FAM120B: variants seen among roughly 807,000 people sequenced by gnomAD.
FAM120B encodes constitutive coactivator of peroxisome proliferator-activated receptor gamma.
A neutral mutation model predicts 96.3 loss-of-function variants in FAM120B; 83 were observed. The ratio of observed to expected loss-of-function variants is 0.86; its 90% CI spans 0.72 to 1.03. The LOEUF (loss-of-function observed/expected upper bound fraction) is 1.03, where lower values mean the gene tolerates loss of function less well. Ranked by LOEUF, FAM120B falls within the 50% of genes least tolerant of loss-of-function variation. The probability of loss-of-function intolerance (pLI) is 0.00; values close to 1 mark genes in which losing one functional copy is unlikely to be tolerated. For missense variants in FAM120B, 1,027 were observed against 1,121.2 expected, an observed-to-expected ratio of 0.92 and a Z score of 1.20; for synonymous variants, 407 against 402.7, an observed-to-expected ratio of 1.01 and a Z score of -0.13.
rs185675481 is a variant in FAM120B at position 170,353,335 on chromosome 6, G to A, written c.2191-4891G>A. Among the ~76,000 whole-genome samples, 390 of 152,298 alleles carry A rather than the reference G, an allele frequency of 2.6e-3. 1 individual carries two copies. Among genetic ancestry groups the A allele is most frequent in the African/African-American group, 8.5e-3 (354 of 41,564 alleles). On this transcript the variant is annotated intron_variant, in intron 5 of 10. Transcript: ENST00000476287. ...CTACCAGAGGTACAAAGAAGAGCTG[G>A]CACCATTTCTACTGAAACTGTTCCA...
Position 170,318,353 on chromosome 6 carries a change from A to G in FAM120B, c.963A>G (p.Val321=). The change falls in exon 2 of 11, where the codon GTA becomes GTG. Residue 321 remains valine, a synonymous_variant. Transcript: ENST00000476287. ...GGTTTTTCCAAAAACCCAAAGGTGT[A>G]ATAACTTTGGACAAACAAGTAATAT... The part of the protein sequence containing the change: ...SPWFFQKPKG[V]ITLDKQVIST... 1 of 1,614,228 alleles carries G rather than the reference A, an allele frequency of 6.2e-7. No individual in the cohort carries two copies. The highest frequency in any genetic ancestry group is 8.5e-7 in the Non-Finnish European group (1 of 1,180,038).
At chr6:170,377,256 G>T (rs35479904) in intron 6 of FAM120B, among the ~76,000 whole-genome samples, 2 of 35,060 alleles carry the variant, frequency 5.7e-5, no homozygotes, top group Admixed American at 3.2e-4. Flanking sequence ...CTGGGAGAAC[G>T]CAGGCTCACG....
At chr6:170,399,986 AG>A (rs1778462031) in intron 9 of FAM120B, among the ~76,000 whole-genome samples, 1 of 11,596 alleles carries the variant, frequency 8.6e-5, no homozygotes, top group Non-Finnish European at 1.6e-4. Flanking sequence ...GGAGTGAGTG[AG>A]GAAGGTAGAA....
intron 9 of FAM120B, among the ~76,000 whole-genome samples, chr6:170,403,355 C>G (rs1244211878): frequency 6.6e-6 from 1 of 152,146 alleles, no homozygotes; most frequent in African/African-American, 2.4e-5. Flanking sequence ...TTTTGCCTAC[C>G]TTCAACTCCT....
At chr6:170,351,690 A>G (rs1787593184) in intron 5 of FAM120B, among the ~76,000 whole-genome samples, 1 of 152,216 alleles carries the variant, frequency 6.6e-6, no homozygotes, top group Non-Finnish European at 1.5e-5. Context: ...CAACCAAACT[A>G]ACTTCATAAG....
At chr6:170,398,968 G>A (rs1778376168) in intron 9 of FAM120B, among the ~76,000 whole-genome samples, 1 of 151,494 alleles carries the variant, frequency 6.6e-6, no homozygotes, top group Admixed American at 6.6e-5. Flanking sequence ...ATAACTCTTA[G>A]GAGTGAGTGG....
At chr6:170,404,105 C>T (rs576467671) in intron 9 of FAM120B, 21 of 159,898 alleles carry the variant, frequency 1.3e-4, no homozygotes, top group African/African-American at 4.1e-4. Flanking sequence ...GGTTCTGCCC[C>T]GAGTCTCTTC....
upstream of FAM120B, among the ~76,000 whole-genome samples, chr6:170,292,529 G>T (rs150843231): frequency 6.6e-6 from 1 of 152,316 alleles, no homozygotes; most frequent in East Asian, 1.9e-4. This position sits in a 1 kb window ranked among gnomAD's most constrained non-coding sequence, Gnocchi z 6.6. Flanking sequence ...CCTCACTGTA[G>T]GTGTGTTAGA....
At position 170,370,066 on chromosome 6, in the gene FAM120B, A is replaced by G. The variant is rs1235684397; in HGVS notation, c.2283+11748A>G. ...TACCTTTTTTGAATATAGCAATCTA[A>G]TTTCTCTTTTAAACCCATTCTGTGA... is the stretch of plus-strand genomic sequence containing the variant. On this transcript the variant is annotated intron_variant, in intron 6 of 10. Coordinates refer to ENST00000476287, the MANE Select transcript of FAM120B (RefSeq NM_032448.3). This position sits in a 1 kb window ranked among gnomAD's most constrained non-coding sequence, Gnocchi z 4.3. Among the ~76,000 whole-genome samples, 3 of 152,192 alleles carry G rather than the reference A, an allele frequency of 2.0e-5. No individual in the cohort carries two copies. Among genetic ancestry groups the G allele is most frequent in the Non-Finnish European group, 4.4e-5 (3 of 68,032 alleles).
intron 6 of FAM120B, among the ~76,000 whole-genome samples, chr6:170,387,252 C>T (rs1477280518): frequency 6.6e-6 from 1 of 152,212 alleles, no homozygotes; most frequent in East Asian, 1.9e-4. Flanking sequence ...CTCGGATAAT[C>T]TCAGTTCATG....
At chr6:170,389,436 C>G (rs1343842404) in intron 7 of FAM120B, among the ~76,000 whole-genome samples, 1 of 152,096 alleles carries the variant, frequency 6.6e-6, no homozygotes, top group Non-Finnish European at 1.5e-5. Context: ...TTCAGGACTC[C>G]CAAACTTATG....
intron 1 of FAM120B, among the ~76,000 whole-genome samples, chr6:170,308,988 T>C (rs1005184824): frequency 1.3e-5 from 2 of 152,254 alleles, no homozygotes; most frequent in Admixed American, 6.5e-5. Flanking sequence ...CCTGTATTGT[T>C]AGATTTATTT....
At chr6:170,291,019 G>A, upstream of FAM120B, 2 of 702,014 alleles carry the variant, frequency 2.8e-6, no homozygotes, top group Admixed American at 4.0e-5. Context: ...TCTGGCGAGA[G>A]CTGTCACAAA....
chr6:170,361,262 A>G (rs1470918390), intron 6 of FAM120B, among the ~76,000 whole-genome samples: 1 of 142,980 alleles, frequency 7.0e-6, no homozygotes, highest in Non-Finnish European at 1.5e-5. Context: ...ATACGTGTAT[A>G]TATATAGTTA....
chr6:170,361,211 T>TACGTGTATAC (rs1562566772), intron 6 of FAM120B, among the ~76,000 whole-genome samples: 1 of 93,162 alleles, frequency 1.1e-5, no homozygotes, highest in East Asian at 1.4e-3. Context: ...TATATATATA[T>TACGTGTATAC]ATATATATAT....
chr6:170,340,964 T>C (rs1316643547), intron 4 of FAM120B, among the ~76,000 whole-genome samples: 1 of 152,228 alleles, frequency 6.6e-6, no homozygotes, highest in South Asian at 2.1e-4. Context: ...GGCACGGGGA[T>C]GAGGGACCCA....
chr6:170,381,436 C>G (rs1055502959), intron 6 of FAM120B, among the ~76,000 whole-genome samples: 2 of 152,038 alleles, frequency 1.3e-5, no homozygotes, highest in Non-Finnish European at 2.9e-5. Context: ...AGGTGTCACT[C>G]GGTAATTTAC....
At chr6:170,397,187 T>G (rs1412608924) in intron 9 of FAM120B, among the ~76,000 whole-genome samples, 1 of 152,214 alleles carries the variant, frequency 6.6e-6, no homozygotes, top group Non-Finnish European at 1.5e-5. Context: ...CTTCTGAGTC[T>G]TTGGGATGAG....
intron 4 of FAM120B, among the ~76,000 whole-genome samples, chr6:170,340,965 G>A (rs1562545252): frequency 6.6e-6 from 1 of 152,230 alleles, no homozygotes; most frequent in African/African-American, 2.4e-5. Flanking sequence ...GCACGGGGAT[G>A]AGGGACCCAT....
Sources: gnomAD v4.1 joint callset for allele counts (sites outside exome capture counted in the v4.1 genomes callset) on GRCh38, gnomAD v4.1.1 for gene constraint, Gnocchi (gnomAD v3.1) non-coding constraint, MANE v1.5 for transcripts, NCBI Gene and HGNC (gene_info 2026-07-23, HGNC 2026-07-21) for gene names.